Variants in ATL3 observed in about 807,000 individuals in gnomAD.
The protein encoded by ATL3 is atlastin GTPase 3.
In ATL3, 49 loss-of-function variants were observed where a neutral mutation model predicts 69.5. That is an observed-to-expected ratio of 0.71 (90% CI 0.56 to 0.89). The LOEUF (loss-of-function observed/expected upper bound fraction) is 0.89. ATL3 is among the 40% of genes least tolerant of loss of function. ATL3 has a pLI of 0.00. For synonymous variants in ATL3, 214 were observed against 224.1 expected (o/e 0.95, Z 0.40); for missense variants, 606 against 645.7 (o/e 0.94, Z 0.67).
intron 1 of ATL3, among the ~76,000 whole-genome samples, chr11:63,661,633 C>A (rs1043497835): frequency 2.6e-5 from 4 of 151,878 alleles, no homozygotes; most frequent in Non-Finnish European, 4.4e-5. Flanking sequence ...CTCACCTGCG[C>A]AATCCCAGCA....
chr11:63,631,875 A>G (rs570459399), intron 11 of ATL3, among the ~76,000 whole-genome samples: 1 of 152,280 alleles, frequency 6.6e-6, no homozygotes, highest in Admixed American at 6.5e-5. Context: ...CCAGCTACTC[A>G]GAAGGCTGAG....
At chr11:63,665,696 C>A (rs1940554179) in intron 1 of ATL3, among the ~76,000 whole-genome samples, 1 of 152,030 alleles carries the variant, frequency 6.6e-6, no homozygotes, top group African/African-American at 2.4e-5. Flanking sequence ...CGAGACCAGC[C>A]TGGGCAACAC....
intron 1 of ATL3, chr11:63,670,287 G>C (rs1188971317): frequency 6.6e-6 from 1 of 152,048 alleles, no homozygotes; most frequent in East Asian, 1.9e-4. Context: ...CTAAATTCTT[G>C]ACAGGGATTA....
At chr11:63,649,726 CAG>C (rs1337261333) in intron 5 of ATL3, among the ~76,000 whole-genome samples, 2 of 151,688 alleles carry the variant, frequency 1.3e-5, no homozygotes, top group Non-Finnish European at 2.9e-5. Flanking sequence ...TCAGTAGAGA[CAG>C]GGTTTCACCA....
chr11:63,659,230 C>T lies in ATL3; in HGVS notation c.69G>A (p.Lys23=), dbSNP rs1469596611. The change falls in exon 2 of 13, where the codon AAG becomes AAA. Residue 23 remains lysine (K), a synonymous_variant. Transcript: ENST00000398868. ...CCAAAACAACCTGCACTGGACCAGG[C>T]TTGCTGCTCTCCATGGCATCATCTA... ...RGADDAMESS[K]PGPVQVVLVQ... 1.2e-6 allele frequency: 2 copies of T among 1,614,106 alleles called. No individual in the cohort carries two copies. Among genetic ancestry groups the T allele is most frequent in the East Asian group, 2.2e-5 (1 of 44,890 alleles).
chr11:63,651,398 T>G (rs1245387926), intron 5 of ATL3, among the ~76,000 whole-genome samples: 1 of 150,798 alleles, frequency 6.6e-6, no homozygotes, highest in Admixed American at 6.6e-5. Flanking sequence ...AGAGCAAGAC[T>G]TCGTCTTAAA....
intron 3 of ATL3, among the ~76,000 whole-genome samples, chr11:63,656,508 T>C (rs1254975636): frequency 6.7e-6 from 1 of 150,358 alleles, no homozygotes; most frequent in Non-Finnish European, 1.5e-5. Flanking sequence ...CAGAGGCAGG[T>C]GAATAACCTG....
At chr11:63,629,487 AC>A in intron 12 of ATL3, 82 bp from the exon 13 acceptor site, 1 of 1,192,068 alleles carries the variant, frequency 8.4e-7, no homozygotes, top group South Asian at 1.3e-5. Context: ...ACTTTCAAAA[AC>A]CTGTCTCCAT....
At chr11:63,668,391 T>C (rs975722935) in intron 1 of ATL3, among the ~76,000 whole-genome samples, 2 of 152,214 alleles carry the variant, frequency 1.3e-5, no homozygotes, top group African/African-American at 4.8e-5. Context: ...TATACCGTTT[T>C]GTCTTAAGGC....
chr11:63,651,451 C>T (rs1176121133), intron 5 of ATL3, among the ~76,000 whole-genome samples: 1 of 151,982 alleles, frequency 6.6e-6, no homozygotes, highest in Non-Finnish European at 1.5e-5. Flanking sequence ...CCAGAATGAT[C>T]CCTTTACAAC....
In ATL3 at chr11:63,625,050, AG is replaced by A. The variant is rs1939060322; in HGVS notation, c.*4268del. On this transcript the variant is annotated 3_prime_UTR_variant, in exon 13 of 13. Coordinates refer to ENST00000398868, the MANE Select transcript of ATL3 (RefSeq NM_015459.5). ...TCTGAACTTTTTAAACAAGCCTGCTAGGTAAGTCTTATGCACTCCAAGGTAG... is the reference window on the plus strand; with the variant it reads ...TCTGAACTTTTTAAACAAGCCTGCTAGTAAGTCTTATGCACTCCAAGGTAG... The A allele has an allele frequency of 6.6e-6, 1 of 152,226 alleles. No individual in the cohort carries two copies. Among genetic ancestry groups the A allele is most frequent in the African/African-American group, 2.4e-5 (1 of 41,462 alleles). 9.4% of individuals were successfully genotyped at this position (152,226 alleles called of 1,614,324 possible). A position where few individuals can be genotyped will look rare whatever the true frequency, so the allele number is the denominator to read the frequency against.
intron 3 of ATL3, among the ~76,000 whole-genome samples, chr11:63,653,407 G>A (rs1940141066): frequency 6.6e-6 from 1 of 151,896 alleles, no homozygotes; most frequent in Non-Finnish European, 1.5e-5. Context: ...AGAGGTTGCA[G>A]TGAGCCGAGA....
At chr11:63,665,731 A>C (rs1940555067) in intron 1 of ATL3, among the ~76,000 whole-genome samples, 1 of 152,028 alleles carries the variant, frequency 6.6e-6, no homozygotes, top group Non-Finnish European at 1.5e-5. Context: ...TCTACTAAAA[A>C]TATGAAAATT....
At chr11:63,671,520 G>C (rs1476531578), upstream of ATL3, 10 of 1,437,622 alleles carry the variant, frequency 7.0e-6, no homozygotes, top group Non-Finnish European at 9.1e-6. Context: ...TGGCCCAACG[G>C]ACAGCCCGAG....
chr11:63,651,617 T>C (rs1216596849), intron 5 of ATL3, among the ~76,000 whole-genome samples: 2 of 152,134 alleles, frequency 1.3e-5, no homozygotes, highest in African/African-American at 4.8e-5. Flanking sequence ...CTCCCTGCCA[T>C]TCCTTGATCT....
At chr11:63,636,807 T>C (rs1290750927) in intron 8 of ATL3, among the ~76,000 whole-genome samples, 1 of 152,040 alleles carries the variant, frequency 6.6e-6, no homozygotes, top group East Asian at 1.9e-4. Flanking sequence ...TTTCTGGCTA[T>C]GACCAAGTTG....
intron 8 of ATL3, among the ~76,000 whole-genome samples, chr11:63,643,098 T>C (rs1939751041): frequency 6.6e-6 from 1 of 152,270 alleles, no homozygotes; most frequent in Non-Finnish European, 1.5e-5. Context: ...TTGTATCTCT[T>C]GTAAACCAAG....
At chr11:63,671,569 G>A, upstream of ATL3, 5 of 1,425,098 alleles carry the variant, frequency 3.5e-6, no homozygotes, top group Non-Finnish European at 3.7e-6. Flanking sequence ...GAGGCGGGGC[G>A]GGAAAGCGCA....
At chr11:63,664,620 GTTT>G (rs1027931299) in intron 1 of ATL3, among the ~76,000 whole-genome samples, 5 of 150,148 alleles carry the variant, frequency 3.3e-5, no homozygotes, top group Admixed American at 6.6e-5. Context: ...ATAAGCTATT[GTTT>G]TTTTGTTTTT....
Sources: gnomAD v4.1 joint callset for allele counts (sites outside exome capture counted in the v4.1 genomes callset) on GRCh38, gnomAD v4.1.1 for gene constraint, MANE v1.5 for transcripts, NCBI Gene and HGNC (gene_info 2026-07-23, HGNC 2026-07-21) for gene names.